ARHGAP22: variants seen among roughly 807,000 people sequenced by gnomAD.
ARHGAP22 encodes the protein Rho GTPase activating protein 22.
Under a neutral mutation model 59.1 loss-of-function variants are expected in ARHGAP22, and 48 were observed. The observed-to-expected ratio is 0.81, with a 90% CI of 0.64 to 1.03. The LOEUF (loss-of-function observed/expected upper bound fraction) is 1.03. ARHGAP22 is among the 50% of genes least tolerant of loss of function. The pLI is 0.00. For synonymous variants in ARHGAP22, 445 were observed against 416.4 expected, an observed-to-expected ratio of 1.07 and a Z score of -0.84; for missense variants, 1,015 against 958.7, an observed-to-expected ratio of 1.06 and a Z score of -0.78.
At chr10:48,520,215 G>A (rs952182046) in intron 3 of ARHGAP22, among the ~76,000 whole-genome samples, 6 of 152,224 alleles carry the variant, frequency 3.9e-5, no homozygotes, top group African/African-American at 1.4e-4. Flanking sequence ...AGGGAATCTC[G>A]GAGGCATTTG....
intron 3 of ARHGAP22, among the ~76,000 whole-genome samples, chr10:48,495,142 G>A (rs1009062314): frequency 6.6e-6 from 1 of 152,188 alleles, no homozygotes; most frequent in African/African-American, 2.4e-5. Flanking sequence ...ATGTATGACT[G>A]TTCTTCCTGG....
At chr10:48,485,104 A>G (rs1329282933) in intron 3 of ARHGAP22, among the ~76,000 whole-genome samples, 1 of 152,262 alleles carries the variant, frequency 6.6e-6, no homozygotes, top group Non-Finnish European at 1.5e-5. Flanking sequence ...CTTCATTTAC[A>G]AAAACAAACA....
At chr10:48,501,936 C>G (rs2051568101) in intron 3 of ARHGAP22, among the ~76,000 whole-genome samples, 4 of 152,196 alleles carry the variant, frequency 2.6e-5, no homozygotes, top group Admixed American at 1.3e-4. Flanking sequence ...AGGGGAGGAG[C>G]AGCTTCCTCT....
intron 5 of ARHGAP22, among the ~76,000 whole-genome samples, chr10:48,457,516 A>G (rs1409869792): frequency 2.0e-5 from 3 of 152,020 alleles, no homozygotes; most frequent in Non-Finnish European, 4.4e-5. Flanking sequence ...CCCTCCCTCA[A>G]AGGATAGCAG....
intron 3 of ARHGAP22, among the ~76,000 whole-genome samples, chr10:48,510,213 G>A (rs111898936): frequency 2.8e-4 from 42 of 152,236 alleles, no homozygotes; most frequent in African/African-American, 8.4e-4. Flanking sequence ...CTGATTTAGC[G>A]CATGAGCATG....
chr10:48,589,934 C>T (rs1460428163), intron 1 of ARHGAP22, among the ~76,000 whole-genome samples: 1 of 152,174 alleles, frequency 6.6e-6, no homozygotes, highest in Non-Finnish European at 1.5e-5. Flanking sequence ...GCAATCGCTA[C>T]CCTTCCACAG....
chr10:48,502,780 G>A (rs1329194942), intron 3 of ARHGAP22, among the ~76,000 whole-genome samples: 2 of 152,116 alleles, frequency 1.3e-5, no homozygotes, highest in Admixed American at 6.5e-5. Context: ...ATTTATTGAT[G>A]GTCTACCATG....
intron 2 of ARHGAP22, among the ~76,000 whole-genome samples, chr10:48,567,022 A>G (rs1300138994): frequency 1.3e-5 from 2 of 152,152 alleles, no homozygotes; most frequent in African/African-American, 4.8e-5. Context: ...CAGGTCTCAG[A>G]GCTCATGGCC....
upstream of ARHGAP22, among the ~76,000 whole-genome samples, chr10:48,655,334 C>T (rs2062778304): frequency 6.7e-6 from 1 of 150,176 alleles, no homozygotes; most frequent in Non-Finnish European, 1.5e-5. Flanking sequence ...ACCTCTGTGA[C>T]CTTTACCAAC....
intron 1 of ARHGAP22, among the ~76,000 whole-genome samples, chr10:48,590,699 G>T (rs556441979): frequency 6.6e-6 from 1 of 152,334 alleles, no homozygotes; most frequent in East Asian, 1.9e-4. Flanking sequence ...GAGGACGTGG[G>T]CTGCACGCCT....
intron 3 of ARHGAP22, among the ~76,000 whole-genome samples, chr10:48,493,838 C>T (rs956582062): frequency 2.6e-5 from 4 of 152,150 alleles, no homozygotes; most frequent in African/African-American, 2.4e-5. Flanking sequence ...GGGGGAGTGT[C>T]CATCCTATTT....
intron 4 of ARHGAP22, among the ~76,000 whole-genome samples, chr10:48,469,194 C>T (rs1227644448): frequency 6.6e-6 from 1 of 152,244 alleles, no homozygotes; most frequent in Non-Finnish European, 1.5e-5. Flanking sequence ...AGGAGCCCCA[C>T]ATGGCTAGAG....
At chr10:48,435,527 T>G in the ARHGAP22 span, 76,652 of 152,172 alleles carry the variant, frequency 0.5, 19,927 homozygotes, top group Middle Eastern at 0.72. Context: ...GGAAAATAAC[T>G]TGTAGCCAGT....
intron 3 of ARHGAP22, among the ~76,000 whole-genome samples, chr10:48,538,000 T>C (rs2055541339): frequency 6.6e-6 from 1 of 152,196 alleles, no homozygotes. Context: ...TCACTCCCAA[T>C]GCCACAATGG....
chr10:48,597,631 G>C (rs1360445150), intron 1 of ARHGAP22, among the ~76,000 whole-genome samples: 1 of 152,142 alleles, frequency 6.6e-6, no homozygotes, highest in Non-Finnish European at 1.5e-5. Flanking sequence ...CCTGTTTCTT[G>C]CTCCCGCAGG....
chr10:48,608,432 T>C (rs965004382), upstream of ARHGAP22, among the ~76,000 whole-genome samples: 5 of 152,088 alleles, frequency 3.3e-5, no homozygotes, highest in African/African-American at 9.7e-5. Flanking sequence ...TTTCCTCTAA[T>C]TTGCACAAAG....
intron 3 of ARHGAP22, among the ~76,000 whole-genome samples, chr10:48,547,433 C>T (rs1347526892): frequency 1.3e-5 from 2 of 152,228 alleles, no homozygotes; most frequent in Non-Finnish European, 2.9e-5. Flanking sequence ...CCCAAGGAGC[C>T]CAGTGGGAGG....
chr10:48,459,163 G>A (rs2046880549), intron 5 of ARHGAP22, among the ~76,000 whole-genome samples: 2 of 140,822 alleles, frequency 1.4e-5, no homozygotes, highest in Admixed American at 1.5e-4. Flanking sequence ...GGGGCATCCA[G>A]GGCCTGGGTA....
intron 1 of ARHGAP22, among the ~76,000 whole-genome samples, chr10:48,588,290 C>T (rs1476509053): frequency 6.6e-6 from 1 of 152,200 alleles, no homozygotes; most frequent in Non-Finnish European, 1.5e-5. Flanking sequence ...GAAAGGCTGG[C>T]TCCAGTCCCT....
Sources: gnomAD v4.1 joint callset for allele counts (sites outside exome capture counted in the v4.1 genomes callset) on GRCh38, gnomAD v4.1.1 for gene constraint, MANE v1.5 for transcripts, NCBI Gene and HGNC (gene_info 2026-07-23, HGNC 2026-07-21) for gene names.